The following DNAJB14 variants were observed in gnomAD, a reference collection of about 807,000 sequenced individuals.
DNAJB14 encodes the protein DnaJ heat shock protein family (Hsp40) member B14, also known as dnaJ homolog subfamily B member 14.
A neutral mutation model predicts 48.4 loss-of-function variants in DNAJB14; 22 were observed. The observed-to-expected ratio is 0.45, with a 90% CI of 0.32 to 0.65. The LOEUF (loss-of-function observed/expected upper bound fraction) is 0.65, where lower values mean the gene tolerates loss of function less well. DNAJB14 is among the 30% of genes least tolerant of loss of function. The probability of loss-of-function intolerance (pLI) is 0.03; values close to 1 mark genes in which losing one functional copy is unlikely to be tolerated. For synonymous variants in DNAJB14, 142 were observed against 158.7 expected (o/e 0.89, Z 0.79); for missense variants, 319 against 458.8 (o/e 0.70, Z 2.78).
rs945519733 is a variant in DNAJB14, at chr4:99,899,573, A to G, written c.*1455T>C. On this transcript the variant is annotated 3_prime_UTR_variant, in exon 8 of 8. Transcript: ENST00000442697. The stretch of plus-strand genomic sequence containing the variant: ...AGAGGTCATTTTAGCAGTTTTATTC[A>G]ACAGATGCCATAAATTAACTACATT... 14 of 152,296 alleles carry G rather than the reference A, an allele frequency of 9.2e-5. No individual in the cohort carries two copies. Among genetic ancestry groups the G allele is most frequent in the African/African-American group, 3.4e-4 (14 of 41,428 alleles). 9.4% of individuals were successfully genotyped at this position (152,296 alleles called of 1,614,324 possible). A position where few individuals can be genotyped will look rare whatever the true frequency, so the allele number is the denominator to read the frequency against.
At chr4:99,928,793 G>A (rs1447192457) in intron 2 of DNAJB14, 2 of 156,868 alleles carry the variant, frequency 1.3e-5, no homozygotes, top group Non-Finnish European at 2.8e-5. Context: ...ATCCTTCATT[G>A]AGAATATGTT....
In DNAJB14 at chr4:99,899,675, T is replaced by G. The variant is rs1578208957; in HGVS notation, c.*1353A>C. The G allele has an allele frequency of 6.6e-6, 1 of 152,368 alleles. No individual in the cohort carries two copies. Among genetic ancestry groups the G allele is most frequent in the African/African-American group, 2.4e-5 (1 of 41,444 alleles). The allele number at this position is 152,368 out of a possible 1,614,324, so 9.4% of individuals were successfully genotyped here. On this transcript the variant is annotated 3_prime_UTR_variant, in exon 8 of 8. Transcript: ENST00000442697. ...CACTCACAAAGAAGTATCAAAGATA[T>G]GTTTATGTTCCATTAACCGAGTATG... is the stretch of plus-strand genomic sequence containing the variant.
intron 3 of DNAJB14, among the ~76,000 whole-genome samples, chr4:99,918,490 T>C (rs1725935834): frequency 6.6e-6 from 1 of 152,226 alleles, no homozygotes; most frequent in South Asian, 2.1e-4. Flanking sequence ...TTGGGTATTA[T>C]CTTATGAGAG....
At chr4:99,924,725 A>G (rs1012252660) in intron 2 of DNAJB14, 3 of 1,609,730 alleles carry the variant, frequency 1.9e-6, no homozygotes, top group East Asian at 2.2e-5. Context: ...TGTGATAGAA[A>G]AAAAGGAAAT....
At chr4:99,912,257 ACG>A (rs2110199258) in intron 3 of DNAJB14, among the ~76,000 whole-genome samples, 1 of 152,300 alleles carries the variant, frequency 6.6e-6, no homozygotes, top group South Asian at 2.1e-4. Flanking sequence ...TGCCATTACC[ACG>A]CAGTTTTGTT....
At position 99,900,273 on chromosome 4, in the gene DNAJB14, C is replaced by T. The variant is rs1446643321; in HGVS notation, c.*755G>A. The T allele has an allele frequency of 2.0e-5, 3 of 151,884 alleles. No individual in the cohort carries two copies. The highest frequency in any genetic ancestry group is 4.4e-5 in the Non-Finnish European group (3 of 67,876). 9.4% of individuals were successfully genotyped at this position (151,884 alleles called of 1,614,324 possible). ...CATAACTGCACTTTACTGTTGAAGACCCTTTTAGTTTAATATTTATAGCCA... is the reference window on the plus strand; with the variant it reads ...CATAACTGCACTTTACTGTTGAAGATCCTTTTAGTTTAATATTTATAGCCA... On this transcript the variant is annotated 3_prime_UTR_variant, in exon 8 of 8. Transcript: ENST00000442697.
intron 5 of DNAJB14, chr4:99,905,917 A>C: frequency 7.5e-7 from 1 of 1,340,796 alleles, no homozygotes; most frequent in Non-Finnish European, 9.7e-7. Flanking sequence ...CACTGATAAA[A>C]TTTGATTTCA....
chr4:99,907,771 C>A (rs1725519777), intron 4 of DNAJB14, among the ~76,000 whole-genome samples: 2 of 152,128 alleles, frequency 1.3e-5, no homozygotes, highest in African/African-American at 4.8e-5. Flanking sequence ...CATGAAGATT[C>A]TCTTAATGTT....
chr4:99,946,357 G>A (rs759695023), intron 1 of DNAJB14, 82 bp downstream of exon 1: 30 of 1,538,510 alleles, frequency 1.9e-5, no homozygotes, highest in Non-Finnish European at 2.2e-5. Context: ...CAGGCCTCCA[G>A]GAGGGGCCGA....
At chr4:99,905,742 A>G (rs768414199) in intron 5 of DNAJB14, 36 bp from the exon 6 acceptor site, 17 of 1,583,548 alleles carry the variant, frequency 1.1e-5, no homozygotes, top group South Asian at 2.2e-5. Context: ...AAATTGTAAT[A>G]TAACTGTAGT....
intron 1 of DNAJB14, chr4:99,942,105 T>C (rs937971191): frequency 5.3e-5 from 8 of 152,150 alleles, no homozygotes; most frequent in African/African-American, 1.9e-4. Context: ...TTATTAGATA[T>C]AAATTTTAAA....
intron 1 of DNAJB14, among the ~76,000 whole-genome samples, chr4:99,938,456 A>G (rs77304033): frequency 3.0e-4 from 45 of 151,662 alleles, no homozygotes; most frequent in African/African-American, 1.0e-3. Flanking sequence ...ATTATCTAAG[A>G]GAGTGTCCTT....
At chr4:99,911,471 T>C (rs1725658452) in intron 3 of DNAJB14, among the ~76,000 whole-genome samples, 1 of 152,180 alleles carries the variant, frequency 6.6e-6, no homozygotes, top group Non-Finnish European at 1.5e-5. Context: ...GCCCAACTGT[T>C]GTACAGAACA....
intron 2 of DNAJB14, chr4:99,923,799 A>G (rs538324711): frequency 3.1e-5 from 30 of 973,322 alleles, no homozygotes; most frequent in Middle Eastern, 5.2e-4. Flanking sequence ...TCAGCCTTCC[A>G]AAGTGCTGGG....
intron 1 of DNAJB14, among the ~76,000 whole-genome samples, chr4:99,939,013 C>A (rs1407556504): frequency 6.6e-6 from 1 of 151,786 alleles, no homozygotes; most frequent in East Asian, 1.9e-4. Flanking sequence ...AAAAAAAAAA[C>A]TTTTTAAAAA....
intron 7 of DNAJB14, 97 bp downstream of exon 7, chr4:99,903,629 G>C: frequency 7.7e-7 from 1 of 1,303,856 alleles, no homozygotes; most frequent in Non-Finnish European, 1.0e-6. Flanking sequence ...TTATGTGCCA[G>C]GGAATTCCAG....
Position 99,908,780 on chromosome 4 carries a change from T to C in DNAJB14, c.568A>G (p.Arg190Gly), listed in dbSNP as rs1391992724. Residue 190 changes from arginine (R) to glycine (G), a missense_variant, in exon 4 of 8, where the codon AGA becomes GGA. Arg to Gly is a moderately radical substitution (Grantham distance 125). Transcript: ENST00000442697. ...HQNNGRFNFHRGCEADITPED... is the reference protein window; with the variant it reads ...HQNNGRFNFHGGCEADITPED... ...GGAGTTATATCAGCTTCACAACCTC[T>C]ATGGAAATTAAATCTGCCATTGTTT... 6.2e-7 allele frequency: 1 copy of C among 1,612,526 alleles called. No individual in the cohort carries two copies. The highest frequency in any genetic ancestry group is 1.1e-5 in the South Asian group (1 of 90,878).
chr4:99,930,335 C>CTTCT (rs1726417372), intron 2 of DNAJB14, 115 bp downstream of exon 2: 6 of 1,072,782 alleles, frequency 5.6e-6, no homozygotes, highest in Non-Finnish European at 7.8e-6. Flanking sequence ...ACCCAGAGTT[C>CTTCT]AATTCCTTGA....
chr4:99,903,026 A>T (rs1289188031), intron 7 of DNAJB14, among the ~76,000 whole-genome samples: 13 of 152,308 alleles, frequency 8.5e-5, no homozygotes, highest in Non-Finnish European at 1.5e-5. Context: ...TAAAAATTTC[A>T]GAGCTAGGAT....
Sources: allele counts gnomAD v4.1 joint callset (sites outside exome capture counted in the v4.1 genomes callset), GRCh38; gene constraint gnomAD v4.1.1; transcripts MANE v1.5; gene names NCBI Gene and HGNC (gene_info 2026-07-23, HGNC 2026-07-21).